The following CAPN5 variants were observed in gnomAD, a reference collection of about 807,000 sequenced individuals.
CAPN5 encodes the protein calpain 5.
CAPN5 carries 54 observed loss-of-function variants against 73.0 expected under a neutral mutation model. The observed-to-expected ratio is 0.74, with a 90% CI of 0.59 to 0.93. The LOEUF is 0.93. Ranked by LOEUF, CAPN5 falls within the 40% of genes least tolerant of loss-of-function variation. CAPN5 has a pLI of 0.00. For synonymous variants in CAPN5, 335 were observed against 356.9 expected (o/e 0.94, Z 0.69); for missense variants, 785 against 882.9 (o/e 0.89, Z 1.41).
chr11:77,083,922 A>G (rs1394293168), intron 1 of CAPN5, among the ~76,000 whole-genome samples: 1 of 152,188 alleles, frequency 6.6e-6, no homozygotes, highest in African/African-American at 2.4e-5. Flanking sequence ...TGGGCTGGAA[A>G]TTGTGGCCTT....
chr11:77,074,363 A>C (rs1271351947), intron 1 of CAPN5, among the ~76,000 whole-genome samples: 1 of 150,744 alleles, frequency 6.6e-6, no homozygotes, highest in Non-Finnish European at 1.5e-5. Flanking sequence ...GCTTCCCCCC[A>C]GGCTCCGCCC....
intron 3 of CAPN5, among the ~76,000 whole-genome samples, chr11:77,101,092 A>G (rs1180420669): frequency 3.9e-5 from 6 of 152,336 alleles, no homozygotes; most frequent in Admixed American, 6.5e-5. Context: ...GGTCCATCAC[A>G]TCACCTGTCC....
chr11:77,069,016 G>C (rs1177642197), intron 1 of CAPN5, among the ~76,000 whole-genome samples: 2 of 152,192 alleles, frequency 1.3e-5, no homozygotes, highest in African/African-American at 4.8e-5. Flanking sequence ...CAGGCTGTCA[G>C]ATCAGCCCTG....
chr11:77,122,027 T>A lies in CAPN5; in HGVS notation c.1581T>A (p.Ala527=). 1 of 1,556,648 alleles carries A rather than the reference T, an allele frequency of 6.4e-7. No homozygotes were observed. Among genetic ancestry groups the A allele is most frequent in the Non-Finnish European group, 8.7e-7 (1 of 1,150,114 alleles). The part of the protein sequence containing the change: ...LVTQVHVLGA[A]GLKDSPTGAN... ...CCCAGGTACATGTCCTGGGAGCTGC[T>A]GGCCTCAAGGACTCCCCAACAGGTG... is the stretch of plus-strand genomic sequence containing the variant. Residue 527 remains alanine (A), a synonymous_variant, in exon 11 of 13, where the codon GCT becomes GCA. Coordinates refer to ENST00000648180, the MANE Select transcript of CAPN5 (RefSeq NM_004055.5).
At chr11:77,117,313 G>A (rs1950478478) in intron 7 of CAPN5, among the ~76,000 whole-genome samples, 1 of 152,190 alleles carries the variant, frequency 6.6e-6, no homozygotes, top group Non-Finnish European at 1.5e-5. Context: ...CTGAATGTGG[G>A]CTAGGCTCAG....
chr11:77,068,575 C>T (rs970727525), intron 1 of CAPN5, among the ~76,000 whole-genome samples: 6 of 152,092 alleles, frequency 3.9e-5, no homozygotes, highest in African/African-American at 2.4e-5. Flanking sequence ...GGGTGGATTG[C>T]GGATTAGATA....
At chr11:77,111,616 G>A (rs1306747867) in intron 3 of CAPN5, among the ~76,000 whole-genome samples, 1 of 152,208 alleles carries the variant, frequency 6.6e-6, no homozygotes, top group East Asian at 1.9e-4. Context: ...GTCAATGCAT[G>A]TTTACTAAAC....
chr11:77,119,427 G>C, intron 9 of CAPN5: 1 of 448,374 alleles, frequency 2.2e-6, no homozygotes, highest in East Asian at 4.0e-5. Flanking sequence ...TGAGGAAGGG[G>C]AAGATTACTG....
chr11:77,086,726 G>A (rs151175456), intron 2 of CAPN5, among the ~76,000 whole-genome samples: 21 of 152,306 alleles, frequency 1.4e-4, no homozygotes, highest in African/African-American at 5.0e-4. Flanking sequence ...TCCATCCCCT[G>A]GCTACCCCCG....
At position 77,112,746 on chromosome 11, in the gene CAPN5, C is replaced by G; in HGVS notation, c.455C>G (p.Ser152Cys). The stretch of plus-strand genomic sequence containing the variant: ...AACAACCAGCTCATCTACTGCCACT[C>G]CAACTCCCGCAATGAGTTTTGGTGC... The part of the protein sequence containing the change: ...TVNNQLIYCH[S>C]NSRNEFWCAL... The change falls in exon 4 of 13, where the codon TCC becomes TGC. Residue 152 changes from serine to cysteine, a missense_variant. Physicochemically the swap from Ser to Cys is moderately radical, Grantham distance 112 (BLOSUM62 -1). Transcript: ENST00000648180. 1 of 1,614,286 alleles carries G rather than the reference C, an allele frequency of 6.2e-7. No individual in the cohort carries two copies. The highest frequency in any genetic ancestry group is 8.5e-7 in the Non-Finnish European group (1 of 1,180,058).
intron 2 of CAPN5, 71 bp from the exon 3 acceptor site, chr11:77,093,611 C>CACG (rs1950176253): frequency 8.4e-6 from 12 of 1,426,104 alleles, no homozygotes; most frequent in South Asian, 2.6e-5. Flanking sequence ...CTGTGTCTGT[C>CACG]ATGTCTCCTG....
chr11:77,079,817 G>C lies in CAPN5; in HGVS notation c.-35-5035G>C, dbSNP rs1348465150. Reference sequence around the variant, plus strand: ...TGTGTGTGTGTGTGTGTGTGTGTCTGTGTGTGTGTTTCACTTTAGTCATTC... The same window carrying C: ...TGTGTGTGTGTGTGTGTGTGTGTCTCTGTGTGTGTTTCACTTTAGTCATTC... On this transcript the variant is annotated intron_variant, in intron 1 of 12. Transcript: ENST00000648180. Among the ~76,000 whole-genome samples, 5 of 139,904 alleles carry C rather than the reference G, an allele frequency of 3.6e-5. No individual in the cohort carries two copies. The Admixed American group carries it at 3.6e-4, about 10-fold the overall frequency. The allele number at this position is 139,904 out of a possible 152,430, so 91.8% of individuals were successfully genotyped here.
intron 3 of CAPN5, among the ~76,000 whole-genome samples, chr11:77,110,571 G>A (rs1950401911): frequency 1.3e-5 from 2 of 152,210 alleles, no homozygotes; most frequent in South Asian, 4.1e-4. Context: ...GAGCCTGTGG[G>A]CAGCCTTCTG....
chr11:77,118,372 C>A lies in CAPN5; in HGVS notation c.1167+20C>A. On this transcript the variant is annotated intron_variant, in intron 8 of 12. Coordinates refer to ENST00000648180, the MANE Select transcript of CAPN5 (RefSeq NM_004055.5). ...CCACAGGTGGGCGTTCTCAGGAACC[C>A]CCACCCTGCCCTGTAGCAGCTGCGG... The A allele has an allele frequency of 6.5e-7, 1 of 1,545,276 alleles. No homozygotes were observed. The highest frequency in any genetic ancestry group is 1.4e-5 in the African/African-American group (1 of 73,430).
At chr11:77,104,526 C>T (rs1226405642) in intron 3 of CAPN5, among the ~76,000 whole-genome samples, 2 of 152,208 alleles carry the variant, frequency 1.3e-5, no homozygotes, top group Admixed American at 6.5e-5. Context: ...ATGCAACTCA[C>T]TCACCAAACA....
intron 1 of CAPN5, among the ~76,000 whole-genome samples, chr11:77,084,271 G>A (rs1276676195): frequency 6.6e-6 from 1 of 151,660 alleles, no homozygotes; most frequent in Admixed American, 6.6e-5. Flanking sequence ...TGGAGGGAGG[G>A]TTAAGGAGCC....
intron 7 of CAPN5, 114 bp downstream of exon 7, chr11:77,116,417 A>G (rs1343901187): frequency 3.8e-6 from 3 of 780,992 alleles, no homozygotes; most frequent in African/African-American, 1.7e-5. Flanking sequence ...CCCATCATCA[A>G]TTTGCTGTGT....
chr11:77,088,179 G>T, intron 2 of CAPN5: 4 of 1,094,858 alleles, frequency 3.7e-6, no homozygotes, highest in Non-Finnish European at 3.8e-6. Flanking sequence ...GACAAGGTGG[G>T]GTGGGGGAGG....
In CAPN5 at chr11:77,118,244, G is replaced by A. The variant is rs781910967; in HGVS notation, c.1059G>A (p.Thr353=). 65 of 1,614,020 alleles carry A rather than the reference G, an allele frequency of 4.0e-5. 1 individual carries two copies. In the South Asian group the frequency reaches 4.5e-4, roughly 11 times the overall value. Residue 353 remains threonine, a synonymous_variant, in exon 8 of 13, where the codon ACG becomes ACA. Coordinates refer to ENST00000648180, the MANE Select transcript of CAPN5 (RefSeq NM_004055.5). ...CATCCCACCTGAGCATCCACAAGAC[G>A]TGGGAGGAGGCCCGGCTGCATGGCG... is the stretch of plus-strand genomic sequence containing the variant. ...INTSHLSIHK[T]WEEARLHGAW...
Sources: gnomAD v4.1 joint callset for allele counts (sites outside exome capture counted in the v4.1 genomes callset) on GRCh38, gnomAD v4.1.1 for gene constraint, MANE v1.5 for transcripts, NCBI Gene and HGNC (gene_info 2026-07-23, HGNC 2026-07-21) for gene names.